The following SCAPER variants were observed in gnomAD, a reference collection of about 807,000 sequenced individuals.
SCAPER encodes the protein S-phase cyclin A associated protein in the ER, also known as S phase cyclin A-associated protein in the endoplasmic reticulum.
Under a neutral mutation model 182.2 loss-of-function variants are expected in SCAPER, and 98 were observed. The ratio of observed to expected loss-of-function variants is 0.54; its 90% CI spans 0.46 to 0.64. The LOEUF is 0.64. SCAPER is among the 30% of genes least tolerant of loss of function. The pLI is 0.00. For missense variants in SCAPER, 1,432 were observed against 1,690.0 expected (o/e 0.85, Z 2.68); for synonymous variants, 605 against 564.6 (o/e 1.07, Z -1.01).
intron 7 of SCAPER, among the ~76,000 whole-genome samples, chr15:76,799,523 A>G (rs924407017): frequency 1.3e-5 from 2 of 152,108 alleles, no homozygotes. Flanking sequence ...TCGGCTCCCC[A>G]AAGTGCTGGG....
intron 21 of SCAPER, among the ~76,000 whole-genome samples, chr15:76,651,254 G>A (rs958027249): frequency 2.6e-5 from 4 of 152,018 alleles, no homozygotes; most frequent in Admixed American, 2.6e-4. Context: ...CAGAGATCGG[G>A]GGGAACGAAG....
chr15:76,532,557 G>A (rs2043770084), intron 23 of SCAPER, among the ~76,000 whole-genome samples: 1 of 152,060 alleles, frequency 6.6e-6, no homozygotes, highest in Non-Finnish European at 1.5e-5. Flanking sequence ...GGCTAATGCT[G>A]ACTTTTCACT....
chr15:76,688,364 AT>A (rs944560684), intron 20 of SCAPER, among the ~76,000 whole-genome samples: 2 of 151,974 alleles, frequency 1.3e-5, no homozygotes, highest in Non-Finnish European at 2.9e-5. Context: ...GATTGCAAAA[AT>A]TTTCTCCCAT....
At chr15:76,566,336 C>A (rs2047035233) in intron 23 of SCAPER, among the ~76,000 whole-genome samples, 1 of 152,148 alleles carries the variant, frequency 6.6e-6, no homozygotes, top group Non-Finnish European at 1.5e-5. Flanking sequence ...TATCTCAATT[C>A]ACTTCAAATC....
chr15:76,610,605 T>A (rs2050888625), intron 22 of SCAPER, among the ~76,000 whole-genome samples: 1 of 152,066 alleles, frequency 6.6e-6, no homozygotes, highest in South Asian at 2.1e-4. Flanking sequence ...AAAATCAACA[T>A]ACAAAAGTCA....
intron 21 of SCAPER, among the ~76,000 whole-genome samples, chr15:76,657,718 T>C (rs1474664936): frequency 6.6e-6 from 1 of 151,906 alleles, no homozygotes; most frequent in East Asian, 1.9e-4. Flanking sequence ...ACTAACCCAC[T>C]ATGATCAAAT....
rs866870810 is a variant in SCAPER at position 76,652,339 on chromosome 15, T to C, written c.2645+13314A>G. Among the ~76,000 whole-genome samples the C allele has an allele frequency of 3.5e-3, 19 of 5,480 alleles. 1 individual carries two copies. The highest frequency in any genetic ancestry group is 7.1e-3 in the African/African-American group (14 of 1,970). 3.6% of individuals were successfully genotyped at this position (5,480 alleles called of 152,430 possible). On this transcript the variant is annotated intron_variant, in intron 21 of 31. Coordinates refer to ENST00000563290, the MANE Select transcript of SCAPER (RefSeq NM_020843.4). ...ACACACACACACACACACATACACA[T>C]ATATACACACACACACACACACACA...
intron 20 of SCAPER, among the ~76,000 whole-genome samples, chr15:76,693,182 T>A (rs922432777): frequency 6.6e-6 from 1 of 152,126 alleles, no homozygotes. Context: ...TTTAGAAATT[T>A]AGGGAAAAAA....
chr15:76,524,689 G>GTTTTTTTTT (rs35944222), intron 23 of SCAPER, among the ~76,000 whole-genome samples: 12 of 50,114 alleles, frequency 2.4e-4, no homozygotes, highest in Admixed American at 1.1e-3. Flanking sequence ...TTTTTGTTCT[G>GTTTTTTTTT]TTTTTTTTTT....
At chr15:76,866,942 A>C (rs1343977649) in intron 2 of SCAPER, among the ~76,000 whole-genome samples, 1 of 152,156 alleles carries the variant, frequency 6.6e-6, no homozygotes, top group African/African-American at 2.4e-5. Context: ...GATTTTACAG[A>C]GGCCTGTTCA....
At chr15:76,545,554 T>C (rs2045203685) in intron 23 of SCAPER, among the ~76,000 whole-genome samples, 2 of 152,150 alleles carry the variant, frequency 1.3e-5, no homozygotes, top group South Asian at 4.1e-4. Flanking sequence ...CTTTCTAATG[T>C]CAATAACGAG....
intron 17 of SCAPER, among the ~76,000 whole-genome samples, chr15:76,711,228 T>G (rs915692907): frequency 6.6e-6 from 1 of 152,148 alleles, no homozygotes; most frequent in African/African-American, 2.4e-5. Context: ...AAACTCACAT[T>G]CTTCAAAGAC....
At chr15:76,491,607 C>T (rs896988466) in intron 24 of SCAPER, among the ~76,000 whole-genome samples, 5 of 151,976 alleles carry the variant, frequency 3.3e-5, no homozygotes, top group African/African-American at 1.2e-4. Flanking sequence ...TGTATGCTCT[C>T]CAGCACTTGG....
intron 21 of SCAPER, among the ~76,000 whole-genome samples, chr15:76,652,274 ATATATATATATATATATAT>A (rs1293242000): frequency 9.4e-5 from 1 of 10,640 alleles, no homozygotes; most frequent in Non-Finnish European, 1.6e-4. Context: ...AAAAAAAAAA[ATATATATATATATATATAT>A]ATATATATAT....
At chr15:76,567,471 G>A (rs1208138924) in intron 23 of SCAPER, 1 of 356,222 alleles carries the variant, frequency 2.8e-6, no homozygotes, top group Admixed American at 3.1e-5. Flanking sequence ...TTTGCTACAT[G>A]GTAGGCTCAA....
intron 23 of SCAPER, among the ~76,000 whole-genome samples, chr15:76,543,518 A>T (rs1479097332): frequency 1.3e-5 from 2 of 152,164 alleles, no homozygotes; most frequent in African/African-American, 2.4e-5. Context: ...CTGTGGACAG[A>T]AGCTGCATGT....
intron 25 of SCAPER, among the ~76,000 whole-genome samples, chr15:76,435,208 G>T (rs962553051): frequency 6.6e-6 from 1 of 152,148 alleles, no homozygotes; most frequent in African/African-American, 2.4e-5. Context: ...CATGTACTTG[G>T]AAAGAGAGAA....
At chr15:76,648,868 C>G (rs766942922) in intron 21 of SCAPER, among the ~76,000 whole-genome samples, 1 of 152,162 alleles carries the variant, frequency 6.6e-6, no homozygotes, top group African/African-American at 2.4e-5. Context: ...TCTTTGTCAC[C>G]ACATGTGCAG....
intron 26 of SCAPER, among the ~76,000 whole-genome samples, chr15:76,420,256 T>A (rs997768974): frequency 7.8e-5 from 11 of 140,560 alleles, no homozygotes; most frequent in South Asian, 2.2e-4. Context: ...TTTTTTTTTT[T>A]ATAGAGATGG....
Sources: allele counts gnomAD v4.1 joint callset (sites outside exome capture counted in the v4.1 genomes callset), GRCh38; gene constraint gnomAD v4.1.1; transcripts MANE v1.5; gene names NCBI Gene and HGNC (gene_info 2026-07-23, HGNC 2026-07-21).